ZNF469: variants seen among roughly 807,000 people sequenced by gnomAD.
The protein encoded by ZNF469 is zinc finger protein 469.
In ZNF469, 1 loss-of-function variant was observed where a neutral mutation model predicts 1.0. The observed-to-expected ratio is 1.00, with a 90% CI of 0.35 to 4.73. ZNF469 has a LOEUF of 4.73. ZNF469 is among the 30% of genes most tolerant of loss of function. The pLI, the probability that ZNF469 is intolerant of heterozygous loss-of-function variation, is 0.16. For missense variants in ZNF469, 6,100 were observed against 5,356.3 expected, an observed-to-expected ratio of 1.14 and a Z score of -4.33; for synonymous variants, 2,703 against 2,363.4, an observed-to-expected ratio of 1.14 and a Z score of -4.17.
the ZNF469 span, among the ~76,000 whole-genome samples, chr16:88,337,540 A>G: frequency 6.6e-6 from 1 of 152,198 alleles, no homozygotes; most frequent in African/African-American, 2.4e-5. Context: ...AATTCTGCTG[A>G]GTTTATACCT....
At chr16:88,372,976 G>A in the ZNF469 span, among the ~76,000 whole-genome samples, 14 of 151,630 alleles carry the variant, frequency 9.2e-5, no homozygotes, top group Non-Finnish European at 1.5e-4. Flanking sequence ...CCATCATCAT[G>A]ATCTTCACCA....
chr16:88,412,536 A>G (rs1310154002), intron 1 of ZNF469, among the ~76,000 whole-genome samples: 1 of 152,218 alleles, frequency 6.6e-6, no homozygotes, highest in Non-Finnish European at 1.5e-5. Context: ...TCCTGGGCAC[A>G]GCAGCCCAGA....
chr16:88,433,473 T>G lies in ZNF469; in HGVS notation c.6003T>G (p.Leu2001=). 2 of 1,550,342 alleles carry G rather than the reference T, an allele frequency of 1.3e-6. No homozygotes were observed. Among genetic ancestry groups the G allele is most frequent in the Non-Finnish European group, 1.7e-6 (2 of 1,146,932 alleles). The change falls in exon 3 of 3, where the codon CTT becomes CTG. Residue 2001 remains leucine, a synonymous_variant. Transcript: ENST00000565624. The stretch of plus-strand genomic sequence containing the variant: ...AGGGCCAAGGCACAGCCAACCAGCT[T>G]CAGCCAGAGAACGGGGTGAGCCCAG... ...KTQGQGTANQ[L]QPENGVSPGG... is the part of the protein sequence containing the mutation.
At chr16:88,170,920 C>G in the ZNF469 span, among the ~76,000 whole-genome samples, 1 of 152,086 alleles carries the variant, frequency 6.6e-6, no homozygotes, top group Non-Finnish European at 1.5e-5. This position sits in a 1 kb window ranked among gnomAD's most constrained non-coding sequence, Gnocchi z 4.2. Context: ...CCAGGGGTAG[C>G]GGGGGACAGC....
chr16:88,261,966 A>G, the ZNF469 span, among the ~76,000 whole-genome samples: 3 of 152,194 alleles, frequency 2.0e-5, no homozygotes, highest in Non-Finnish European at 4.4e-5. The surrounding 1 kb of genome is among the most constrained non-coding windows in gnomAD (Gnocchi z 6.0). Context: ...ATGGCGCTGC[A>G]CTGGCTGAAG....
At chr16:88,258,852 A>G in the ZNF469 span, among the ~76,000 whole-genome samples, 1 of 152,212 alleles carries the variant, frequency 6.6e-6, no homozygotes, top group Non-Finnish European at 1.5e-5. Context: ...TGCTTATTCT[A>G]CACTCAAGGA....
At chr16:88,367,531 T>C in the ZNF469 span, among the ~76,000 whole-genome samples, 1 of 152,134 alleles carries the variant, frequency 6.6e-6, no homozygotes, top group African/African-American at 2.4e-5. Flanking sequence ...AGAGACAGCT[T>C]TGAGGGCTTT....
the ZNF469 span, among the ~76,000 whole-genome samples, chr16:88,358,611 C>T: frequency 2.0e-5 from 3 of 152,294 alleles, no homozygotes; most frequent in East Asian, 5.8e-4. Flanking sequence ...GTGTCTGCCT[C>T]TCTTGCAGAG....
the ZNF469 span, among the ~76,000 whole-genome samples, chr16:88,166,849 A>C: frequency 1.3e-5 from 2 of 151,908 alleles, no homozygotes. This position sits in a 1 kb window ranked among gnomAD's most constrained non-coding sequence, Gnocchi z 4.5. Context: ...AAAATGTTAT[A>C]TCTAAATCCA....
the ZNF469 span, among the ~76,000 whole-genome samples, chr16:88,210,345 T>G: frequency 0.01 from 1,562 of 152,100 alleles, 36 homozygotes; most frequent in African/African-American, 0.035. Context: ...CATTTGTCCT[T>G]TGGATTTCTT....
At chr16:88,188,673 C>T in the ZNF469 span, among the ~76,000 whole-genome samples, 40 of 152,186 alleles carry the variant, frequency 2.6e-4, no homozygotes. Context: ...CAGGGATGGC[C>T]AGTGCCACGG....
At chr16:88,288,772 C>G in the ZNF469 span, among the ~76,000 whole-genome samples, 6 of 152,074 alleles carry the variant, frequency 3.9e-5, no homozygotes, top group African/African-American at 1.4e-4. Context: ...CTTCCTATGT[C>G]AAAAGCTATG....
Position 88,439,398 on chromosome 16 carries a change from C to T in ZNF469, c.*66C>T. On this transcript the variant is annotated 3_prime_UTR_variant, in exon 3 of 3. Transcript: ENST00000565624. ...TGTCTCGGCCTGCCTCCTTGGCCAG[C>T]TCCGGCTCCCTGAGATGGTCCACTC... is the stretch of plus-strand genomic sequence containing the variant. The T allele has an allele frequency of 6.6e-7, 1 of 1,520,492 alleles. No individual in the cohort carries two copies. Among genetic ancestry groups the T allele is most frequent in the Non-Finnish European group, 8.9e-7 (1 of 1,121,178 alleles). 94.2% of individuals were successfully genotyped at this position (1,520,492 alleles called of 1,614,324 possible).
the ZNF469 span, among the ~76,000 whole-genome samples, chr16:88,109,488 C>T: frequency 6.0e-5 from 9 of 151,130 alleles, no homozygotes; most frequent in African/African-American, 1.7e-4. Flanking sequence ...GTCTCCTCTC[C>T]AGGATCAGGA....
At chr16:88,247,600 G>C in the ZNF469 span, among the ~76,000 whole-genome samples, 1 of 94,194 alleles carries the variant, frequency 1.1e-5, no homozygotes, top group Middle Eastern at 4.0e-3. Flanking sequence ...GAGTGAACGA[G>C]TGAGTGAGTG....
At chr16:88,404,321 G>A (rs1390768951) in intron 1 of ZNF469, among the ~76,000 whole-genome samples, 2 of 152,220 alleles carry the variant, frequency 1.3e-5, no homozygotes, top group African/African-American at 2.4e-5. Flanking sequence ...ACTTCAGCAA[G>A]AGCCACAGCC....
At chr16:88,373,928 A>C in the ZNF469 span, among the ~76,000 whole-genome samples, 906 of 152,178 alleles carry the variant, frequency 6.0e-3, 10 homozygotes, top group African/African-American at 0.02. Flanking sequence ...ACCCAGGAGG[A>C]AGAGGCAGAG....
Position 88,433,231 on chromosome 16 carries a change from G to A in ZNF469, c.5761G>A (p.Gly1921Ser). The A allele has an allele frequency of 6.5e-7, 1 of 1,550,234 alleles. No homozygotes were observed. The highest frequency in any genetic ancestry group is 2.4e-5 in the East Asian group (1 of 40,910). Residue 1921 changes from glycine to serine, a missense_variant, in exon 3 of 3, where the codon GGC becomes AGC. Physicochemically the swap from Gly to Ser is moderately conservative, Grantham distance 56. Transcript: ENST00000565624. ...GVAKSKDGIL[G>S]LQELTPAAQS... ...GGCTAAGAGTAAAGATGGCATCCTG[G>A]GCTTGCAGGAGCTGACACCTGCTGC... is the stretch of plus-strand genomic sequence containing the variant.
At chr16:88,115,376 G>A in the ZNF469 span, among the ~76,000 whole-genome samples, 2 of 151,662 alleles carry the variant, frequency 1.3e-5, no homozygotes, top group East Asian at 1.9e-4. Context: ...CATATGTCCC[G>A]GCTGATCAGC....
Sources: gnomAD v4.1 joint callset for allele counts (sites outside exome capture counted in the v4.1 genomes callset) on GRCh38, gnomAD v4.1.1 for gene constraint, Gnocchi (gnomAD v3.1) non-coding constraint, MANE v1.5 for transcripts, NCBI Gene and HGNC (gene_info 2026-07-23, HGNC 2026-07-21) for gene names.